The following KIF26A variants were observed in gnomAD, a reference collection of about 807,000 sequenced individuals.
KIF26A encodes the protein kinesin family member 26A, also known as kinesin-like protein KIF26A.
KIF26A carries 74 observed loss-of-function variants against 126.0 expected under a neutral mutation model. That is an observed-to-expected ratio of 0.59 (90% confidence interval 0.49 to 0.71). The LOEUF (loss-of-function observed/expected upper bound fraction) is 0.71. KIF26A is among the 30% of genes least tolerant of loss of function. KIF26A has a pLI of 0.00. For missense variants in KIF26A, 2,984 were observed against 2,763.3 expected, an observed-to-expected ratio of 1.08 and a Z score of -1.79; for synonymous variants, 1,445 against 1,232.7, an observed-to-expected ratio of 1.17 and a Z score of -3.61.
At chr14:104,139,879 G>T (rs1017906063) in intron 2 of KIF26A, among the ~76,000 whole-genome samples, 1 of 152,326 alleles carries the variant, frequency 6.6e-6, no homozygotes, top group South Asian at 2.1e-4. Context: ...GGCCCTCTGG[G>T]TTCCCCAGGC....
chr14:104,151,947 G>C lies in KIF26A; in HGVS notation c.289-68G>C. 2.8e-6 allele frequency: 4 copies of C among 1,412,572 alleles called. No homozygotes were observed. Among genetic ancestry groups the C allele is most frequent in the Non-Finnish European group, 3.0e-6 (3 of 1,000,302 alleles). The allele number at this position is 1,412,572 out of a possible 1,614,324, so 87.5% of individuals were successfully genotyped here. A position where few individuals can be genotyped will look rare whatever the true frequency, so the allele number is the denominator to read the frequency against. On this transcript the variant is annotated intron_variant, in intron 2 of 14. Transcript: ENST00000423312. This position sits in a 1 kb window ranked among gnomAD's most constrained non-coding sequence, Gnocchi z 4.9. ...CAGCGTCATGGACGGTGAGAGTGCT[G>C]GTGGGCTCTGGGTGCCGGCCCTCCC...
Position 104,176,836 on chromosome 14 carries a change from G to T in KIF26A, c.4048G>T (p.Ala1350Ser). The T allele has an allele frequency of 6.5e-7, 1 of 1,548,564 alleles. No individual in the cohort carries two copies. ...CAGCAAGAAGGGTCTGGCTCCCAAG[G>T]CGGGCTTCCTCCCGAGGCCCAGTGG... is the stretch of plus-strand genomic sequence containing the variant. The part of the protein sequence containing the change: ...PTSKKGLAPK[A>S]GFLPRPSGAA... The change falls in exon 12 of 15, where the codon GCG becomes TCG. Residue 1350 changes from alanine to serine, a missense_variant. By Grantham distance (99) the Ala-to-Ser change is moderately conservative. Transcript: ENST00000423312.
At position 104,177,226 on chromosome 14, in the gene KIF26A, T is replaced by A. The variant is rs1399879094; in HGVS notation, c.4438T>A (p.Cys1480Ser). ...CCCCACACACGGTCCAGCTCCCGCC[T>A]GTAGGAGCGGCGCAGCCAAGGCTGT... ...SSPTHGPAPA[C>S]RSGAAKAVGA... Residue 1480 changes from cysteine to serine, a missense_variant, in exon 12 of 15, where the codon TGT (cysteine) becomes AGT (serine). By Grantham distance (112) the Cys-to-Ser change is moderately radical (BLOSUM62 -1). Transcript: ENST00000423312. 1 of 1,596,918 alleles carries A rather than the reference T, an allele frequency of 6.3e-7. No homozygotes were observed. Among genetic ancestry groups the A allele is most frequent in the Non-Finnish European group, 8.5e-7 (1 of 1,176,136 alleles).
In KIF26A at chr14:104,176,624, G is replaced by A. The variant is rs1484808621; in HGVS notation, c.3836G>A (p.Cys1279Tyr). ...CCTGAGGCCCAGGTGATGCTAGCCT[G>A]TGCCCAGAGAGTGGTGGACGGGTGT... ...RLPEAQVMLACAQRVVDGCEV... is the reference protein window; with the variant it reads ...RLPEAQVMLAYAQRVVDGCEV... The change falls in exon 12 of 15, where the codon TGT (cysteine) becomes TAT (tyrosine). Residue 1279 changes from cysteine to tyrosine, a missense_variant. Cys to Tyr is a radical substitution (Grantham distance 194). Transcript: ENST00000423312. The A allele has an allele frequency of 3.7e-6, 6 of 1,608,494 alleles. No homozygotes were observed. Among genetic ancestry groups the A allele is most frequent in the Non-Finnish European group, 5.1e-6 (6 of 1,178,800 alleles).
intron 2 of KIF26A, among the ~76,000 whole-genome samples, chr14:104,147,576 C>G (rs2037690932): frequency 6.6e-6 from 1 of 152,176 alleles, no homozygotes; most frequent in African/African-American, 2.4e-5. Flanking sequence ...GTGTGGCCAG[C>G]CAGTTTCCAG....
chr14:104,143,674 G>A (rs570823747), intron 2 of KIF26A, among the ~76,000 whole-genome samples: 223 of 152,330 alleles, frequency 1.5e-3, no homozygotes, highest in African/African-American at 4.1e-3. Flanking sequence ...ACGGATGCTC[G>A]CCACTTGTGG....
chr14:104,147,143 G>A (rs1248732587), intron 2 of KIF26A, among the ~76,000 whole-genome samples: 3 of 152,162 alleles, frequency 2.0e-5, no homozygotes, highest in Non-Finnish European at 1.5e-5. Context: ...CACTGAGCAT[G>A]CCTCTGAGCA....
In KIF26A at chr14:104,175,930, G is replaced by C. The variant is rs2038018544; in HGVS notation, c.3142G>C (p.Ala1048Pro). The C allele has an allele frequency of 1.3e-6, 2 of 1,554,932 alleles. No individual in the cohort carries two copies. The highest frequency in any genetic ancestry group is 2.3e-5 in the South Asian group (2 of 85,244). ...GCTGTCCCTGGGGGCGCTTGCCGGA[G>C]CTGGGCGGCCCACCAGCCTGGCTAG... ...EELSLGALAG[A>P]GRPTSLASFD... is the part of the protein sequence containing the mutation. The change falls in exon 12 of 15, where the codon GCT becomes CCT. Residue 1048 changes from alanine to proline, a missense_variant. Ala to Pro is a conservative substitution (Grantham distance 27). Transcript: ENST00000423312.
intron 2 of KIF26A, 109 bp downstream of exon 2, chr14:104,139,397 T>C (rs1043167377): frequency 1.2e-5 from 16 of 1,280,476 alleles, no homozygotes; most frequent in Non-Finnish European, 2.0e-6. Context: ...TGCTGCTGTT[T>C]CCACAAAGAG....
chr14:104,173,430 G>A lies in KIF26A; in HGVS notation c.1784G>A (p.Gly595Asp), dbSNP rs2037981329. Residue 595 changes from glycine to aspartate, a missense_variant, in exon 9 of 15, where the codon GGC becomes GAC. Gly to Asp is a moderately conservative substitution (Grantham distance 94). Coordinates refer to ENST00000423312, the MANE Select transcript of KIF26A (RefSeq NM_015656.2). ...CGCAGCACCAGCCGAGCGGGCTGTG[G>A]CGAGGACGCCCGACGCAGCTCCCAC... ...AARSTSRAGC[G>D]EDARRSSHML... 6.3e-7 allele frequency: 1 copy of A among 1,585,566 alleles called. No homozygotes were observed. The highest frequency in any genetic ancestry group is 8.6e-7 in the Non-Finnish European group (1 of 1,166,570).
In KIF26A at chr14:104,177,464, C is replaced by A. The variant is rs200958438; in HGVS notation, c.4676C>A (p.Ala1559Glu). ...GGTACCGTCATGGGCACAAAGCAGG[C>A]GCTCCGGGCTGCTCACAGCCGCGTC... ...GRGTVMGTKQ[A>E]LRAAHSRVHE... The change falls in exon 12 of 15, where the codon GCG becomes GAG. Residue 1559 changes from alanine to glutamate, a missense_variant. Transcript: ENST00000423312. The A allele has an allele frequency of 3.9e-6, 6 of 1,528,990 alleles. No homozygotes were observed. Among genetic ancestry groups the A allele is most frequent in the Non-Finnish European group, 5.2e-6 (6 of 1,142,858 alleles). 94.7% of individuals were successfully genotyped at this position (1,528,990 alleles called of 1,614,324 possible). A position where few individuals can be genotyped will look rare whatever the true frequency, so the allele number is the denominator to read the frequency against.
chr14:104,180,889 A>C lies in KIF26A; in HGVS notation c.*1099A>C, dbSNP rs1322069257. On this transcript the variant is annotated 3_prime_UTR_variant, in exon 15 of 15. Coordinates refer to ENST00000423312, the MANE Select transcript of KIF26A (RefSeq NM_015656.2). The stretch of plus-strand genomic sequence containing the variant: ...TTATTTGTGAATTAAAGATGCATCG[A>C]TGGTTCCCACGGCTGCCGAGTTCAC... 1 of 152,414 alleles carries C rather than the reference A, an allele frequency of 6.6e-6. No individual in the cohort carries two copies. Among genetic ancestry groups the C allele is most frequent in the Non-Finnish European group, 1.5e-5 (1 of 68,088 alleles). 9.4% of individuals were successfully genotyped at this position (152,414 alleles called of 1,614,324 possible).
chr14:104,170,142 G>A (rs759324046), intron 5 of KIF26A, among the ~76,000 whole-genome samples: 8 of 152,204 alleles, frequency 5.3e-5, no homozygotes, highest in African/African-American at 1.9e-4. Flanking sequence ...ACTCCTTCCC[G>A]CTAGGAAGTC....
chr14:104,142,765 T>A (rs943763469), intron 2 of KIF26A, among the ~76,000 whole-genome samples: 2 of 152,196 alleles, frequency 1.3e-5, no homozygotes, highest in African/African-American at 4.8e-5. Flanking sequence ...CAGTCCTGGT[T>A]TCCCCCACAA....
At chr14:104,179,157 CG>C (rs1490653291) in intron 13 of KIF26A, 78 bp from the exon 14 acceptor site, 12 of 1,362,652 alleles carry the variant, frequency 8.8e-6, no homozygotes, top group Non-Finnish European at 9.5e-7. Context: ...TGAAGGGAGG[CG>C]GGGGCCACAT....
intron 4 of KIF26A, among the ~76,000 whole-genome samples, chr14:104,163,926 C>T (rs910499624): frequency 3.3e-5 from 5 of 152,130 alleles, no homozygotes; most frequent in Non-Finnish European, 5.9e-5. Context: ...GGTTTGGTTC[C>T]TGGGATTCTT....
At chr14:104,157,571 C>T (rs1219121852) in intron 3 of KIF26A, among the ~76,000 whole-genome samples, 184 bp from the exon 4 acceptor site, 6 of 152,184 alleles carry the variant, frequency 3.9e-5, no homozygotes, top group Non-Finnish European at 1.5e-5. Context: ...TCCCCACTGG[C>T]CTCTCTGCCA....
chr14:104,177,866 G>GCAGCCTCAAGT lies in KIF26A; in HGVS notation c.5080_5090dup (p.Pro1698AlafsTer17). On this transcript the variant is annotated frameshift_variant, in exon 12 of 15. Coordinates refer to ENST00000423312, the MANE Select transcript of KIF26A (RefSeq NM_015656.2). LOFTEE classifies it high-confidence loss of function. ...GCTGCCTCCCCAGGCGCCCGCACCCGCAGCCTCAAGTCCCCCAAGAAGAGG... is the reference window on the plus strand; with the variant it reads ...GCTGCCTCCCCAGGCGCCCGCACCCGCAGCCTCAAGTCAGCCTCAAGTCCCCCAAGAAGAGG... The GCAGCCTCAAGT allele has an allele frequency of 6.4e-7, 1 of 1,553,414 alleles. No individual in the cohort carries two copies. Among genetic ancestry groups the GCAGCCTCAAGT allele is most frequent in the Non-Finnish European group, 8.6e-7 (1 of 1,156,580 alleles).
intron 4 of KIF26A, among the ~76,000 whole-genome samples, chr14:104,165,735 A>G (rs935941587): frequency 2.1e-5 from 3 of 140,970 alleles, no homozygotes; most frequent in African/African-American, 5.2e-5. Flanking sequence ...GTGTTTCTGT[A>G]TGCATATGTG....
Sources: allele counts gnomAD v4.1 joint callset (sites outside exome capture counted in the v4.1 genomes callset), GRCh38; gene constraint gnomAD v4.1.1; non-coding constraint Gnocchi (gnomAD v3.1); transcripts MANE v1.5; gene names NCBI Gene and HGNC (gene_info 2026-07-23, HGNC 2026-07-21).